LACTB: variants seen among roughly 807,000 people sequenced by gnomAD.
The protein encoded by LACTB is lactamase beta.
Under a neutral mutation model 50.2 loss-of-function variants are expected in LACTB, and 35 were observed. The ratio of observed to expected loss-of-function variants is 0.70; its 90% CI spans 0.53 to 0.92. The LOEUF (loss-of-function observed/expected upper bound fraction) is 0.92, where lower values mean the gene tolerates loss of function less well. LACTB is among the 40% of genes least tolerant of loss of function. LACTB has a pLI of 0.00. For missense variants in LACTB, 664 were observed against 691.8 expected (o/e 0.96, Z 0.45); for synonymous variants, 252 against 268.2 (o/e 0.94, Z 0.59).
At chr15:63,126,794 G>C (rs543091096) in intron 2 of LACTB, 65 bp from the exon 3 acceptor site, 1 of 943,304 alleles carries the variant, frequency 1.1e-6, no homozygotes, top group African/African-American at 1.7e-5. Flanking sequence ...TATTATTTCA[G>C]GGTTTGAAAA....
At chr15:63,139,896 G>A (rs919878929) in intron 5 of LACTB, among the ~76,000 whole-genome samples, 4 of 150,342 alleles carry the variant, frequency 2.7e-5, no homozygotes, top group African/African-American at 9.8e-5. Flanking sequence ...CCAGGAGTTC[G>A]AGACCAGGCT....
chr15:63,122,610 G>A (rs773844223), intron 1 of LACTB, 26 bp from the exon 2 acceptor site: 2 of 1,590,254 alleles, frequency 1.3e-6, no homozygotes, highest in Admixed American at 3.3e-5. Flanking sequence ...GCCCGTAACT[G>A]TCGGTTCTTT....
intron 1 of LACTB, 53 bp downstream of exon 1, chr15:63,122,281 C>A: frequency 1.4e-6 from 2 of 1,425,214 alleles, no homozygotes; most frequent in Admixed American, 2.5e-5. Context: ...CCCCTGTCGG[C>A]GGTGCTGTCG....
intron 5 of LACTB, chr15:63,140,974 G>A (rs1326135993): frequency 1.0e-6 from 1 of 978,698 alleles, no homozygotes; most frequent in South Asian, 4.7e-5. Context: ...TATGTCATGT[G>A]TAATATTAAC....
chr15:63,123,145 C>T (rs1327824631), intron 2 of LACTB, among the ~76,000 whole-genome samples: 2 of 152,168 alleles, frequency 1.3e-5, no homozygotes, highest in African/African-American at 4.8e-5. Context: ...ACAATCACAA[C>T]AATACTCTGA....
chr15:63,126,817 T>C (rs2037058610), intron 2 of LACTB, 42 bp from the exon 3 acceptor site: 2 of 1,288,832 alleles, frequency 1.6e-6, no homozygotes, highest in Non-Finnish European at 2.1e-6. Context: ...TGTTTGACCA[T>C]GAAGCCTGTT....
At chr15:63,130,492 AGT>A (rs2141073364) in intron 5 of LACTB, 1 of 143,664 alleles carries the variant, frequency 7.0e-6, no homozygotes, top group East Asian at 2.4e-4. Context: ...TGGGCGAAAG[AGT>A]GAGACTCCAT....
chr15:63,140,448 C>T (rs1298208138), intron 5 of LACTB, among the ~76,000 whole-genome samples: 1 of 152,120 alleles, frequency 6.6e-6, no homozygotes, highest in Non-Finnish European at 1.5e-5. Flanking sequence ...TTAAAATCTT[C>T]AGACACATAC....
intron 5 of LACTB, among the ~76,000 whole-genome samples, chr15:63,140,725 C>T (rs1042799925): frequency 6.6e-6 from 1 of 152,266 alleles, no homozygotes; most frequent in South Asian, 2.1e-4. Context: ...AAGTGATCCT[C>T]CTGCCTTAGC....
In LACTB at chr15:63,129,470, C is replaced by A; in HGVS notation, c.953-15C>A. On this transcript the variant is annotated splice_polypyrimidine_tract_variant and intron_variant, in intron 4 of 5. Transcript: ENST00000261893. The stretch of plus-strand genomic sequence containing the variant: ...AAGTATTTTATTTTTTTCCTCCTCG[C>A]AATGATGTCTCAAGGTAGTCAGTTT... The A allele has an allele frequency of 6.5e-7, 1 of 1,531,668 alleles. No homozygotes were observed. Among genetic ancestry groups the A allele is most frequent in the Non-Finnish European group, 8.8e-7 (1 of 1,142,302 alleles). The allele number at this position is 1,531,668 out of a possible 1,614,324, so 94.9% of individuals were successfully genotyped here. A position where few individuals can be genotyped will look rare whatever the true frequency, so the allele number is the denominator to read the frequency against.
At chr15:63,132,698 G>A (rs1468190883) in intron 5 of LACTB, among the ~76,000 whole-genome samples, 1 of 152,130 alleles carries the variant, frequency 6.6e-6, no homozygotes, top group Non-Finnish European at 1.5e-5. Context: ...GTGTGTACCT[G>A]TAGTCCTGAC....
At chr15:63,138,636 A>G (rs1224342178) in intron 5 of LACTB, among the ~76,000 whole-genome samples, 1 of 152,234 alleles carries the variant, frequency 6.6e-6, no homozygotes, top group East Asian at 1.9e-4. Flanking sequence ...TATTAAAGCT[A>G]GAATTATAAA....
In LACTB at chr15:63,129,996, T is replaced by C. The variant is rs1271666205; in HGVS notation, c.1118+346T>C. On this transcript the variant is annotated intron_variant, in intron 5 of 5. Transcript: ENST00000261893. ...TGTTATTAGTTTTTAATTGTTTTCATACTGTTTTGAAATAATTTTATACTT... is the reference window on the plus strand; with the variant it reads ...TGTTATTAGTTTTTAATTGTTTTCACACTGTTTTGAAATAATTTTATACTT... 3.7e-5 allele frequency: 6 copies of C among 163,664 alleles called. No homozygotes were observed. The East Asian group carries it at 1.0e-3, about 28-fold the overall frequency. 10.1% of individuals were successfully genotyped at this position (163,664 alleles called of 1,614,324 possible).
chr15:63,123,941 GTCAGGCCC>G (rs2037012689), intron 2 of LACTB, among the ~76,000 whole-genome samples: 1 of 152,218 alleles, frequency 6.6e-6, no homozygotes, highest in African/African-American at 2.4e-5. Context: ...CCTGACTGAT[GTCAGGCCC>G]TCCACAAGAG....
In LACTB at chr15:63,127,482, G is replaced by C. The variant is rs763038053; in HGVS notation, c.745G>C (p.Glu249Gln). ...GATGATGAAAGAGAATGTTGCATTT[G>C]AGCAAGAAAAAGAAGGCAAAAGTAA... ...LKMMKENVAF[E>Q]QEKEGKSNEK... The change falls in exon 4 of 6, where the codon GAG becomes CAG. Residue 249 changes from glutamate (E) to glutamine (Q), a missense_variant. Transcript: ENST00000261893. 6.2e-7 allele frequency: 1 copy of C among 1,613,422 alleles called. No individual in the cohort carries two copies. The highest frequency in any genetic ancestry group is 2.2e-5 in the East Asian group (1 of 44,828).
intron 5 of LACTB, among the ~76,000 whole-genome samples, chr15:63,135,350 C>T (rs1222248727): frequency 6.6e-6 from 1 of 152,180 alleles, no homozygotes; most frequent in East Asian, 1.9e-4. Flanking sequence ...ATTAGATTAG[C>T]AACAAGCAAT....
At chr15:63,138,637 G>A (rs181878464) in intron 5 of LACTB, among the ~76,000 whole-genome samples, 1 of 152,288 alleles carries the variant, frequency 6.6e-6, no homozygotes, top group Admixed American at 6.5e-5. Context: ...ATTAAAGCTA[G>A]AATTATAAAG....
At chr15:63,135,271 T>C (rs2037166031) in intron 5 of LACTB, among the ~76,000 whole-genome samples, 1 of 152,206 alleles carries the variant, frequency 6.6e-6, no homozygotes, top group Non-Finnish European at 1.5e-5. Flanking sequence ...TCAGCTTATT[T>C]AAAAGGATTA....
At chr15:63,122,407 C>G in intron 1 of LACTB, among the ~76,000 whole-genome samples, 179 bp downstream of exon 1, 1 of 152,240 alleles carries the variant, frequency 6.6e-6, no homozygotes, top group Non-Finnish European at 1.5e-5. Context: ...TTCCCCAAAT[C>G]TGGGTGGAGG....
Sources: gnomAD v4.1 joint callset for allele counts (sites outside exome capture counted in the v4.1 genomes callset) on GRCh38, gnomAD v4.1.1 for gene constraint, MANE v1.5 for transcripts, NCBI Gene and HGNC (gene_info 2026-07-23, HGNC 2026-07-21) for gene names.